Variants in TENM3 observed in about 807,000 individuals in gnomAD.
The protein encoded by TENM3 is teneurin-3.
A neutral mutation model predicts 255.1 loss-of-function variants in TENM3; 63 were observed. That is an observed-to-expected ratio of 0.25 (90% confidence interval 0.20 to 0.30). The LOEUF is 0.30. Ranked by LOEUF, TENM3 falls within the 10% of genes least tolerant of loss-of-function variation. The pLI is 1.00. For missense variants in TENM3, 2,929 were observed against 3,461.1 expected (o/e 0.85, Z 3.86); for synonymous variants, 1,306 against 1,322.3 (o/e 0.99, Z 0.27).
the TENM3 span, among the ~76,000 whole-genome samples, chr4:182,137,335 C>G: frequency 6.5e-5 from 5 of 76,362 alleles, no homozygotes; most frequent in Admixed American, 1.9e-4. Context: ...CTGCCACCTC[C>G]CCCCCCCCAA....
intron 1 of TENM3, among the ~76,000 whole-genome samples, chr4:182,283,716 G>A (rs1760546178): frequency 6.6e-6 from 1 of 152,136 alleles, no homozygotes; most frequent in African/African-American, 2.4e-5. Flanking sequence ...GGATGTGGTG[G>A]GGTGAAATAC....
At chr4:182,148,555 T>C (rs1354035025) in intron 1 of TENM3, among the ~76,000 whole-genome samples, 1 of 152,128 alleles carries the variant, frequency 6.6e-6, no homozygotes, top group Non-Finnish European at 1.5e-5. Flanking sequence ...TAATAGTAAC[T>C]GTAATCCATC....
intron 1 of TENM3, among the ~76,000 whole-genome samples, chr4:182,303,612 T>C (rs2150380097): frequency 1.3e-5 from 2 of 152,304 alleles, no homozygotes; most frequent in South Asian, 4.1e-4. Flanking sequence ...AGCTGTCTAC[T>C]TAACAGGTGT....
rs377756074 is a variant in TENM3, at chr4:182,675,395, G to A, written c.1326+2176G>A. 5.9e-5 allele frequency among the ~76,000 whole-genome samples: 9 copies of A among 152,050 alleles called. No homozygotes were observed. In the East Asian group the frequency reaches 1.4e-3, roughly 23 times the overall value. ...CATCTCTACTAAAAATACAAAATTA[G>A]CCGAACGTGGTAGCGCACACCTGTA... On this transcript the variant is annotated intron_variant, in intron 7 of 27. Transcript: ENST00000511685.
At chr4:182,739,014 C>T (rs1168479259) in intron 18 of TENM3, among the ~76,000 whole-genome samples, 1 of 150,954 alleles carries the variant, frequency 6.6e-6, no homozygotes, top group Non-Finnish European at 1.5e-5. Flanking sequence ...GATTTTAATT[C>T]TCGGGTAATT....
chr4:181,909,293 G>A, the TENM3 span, among the ~76,000 whole-genome samples: 2 of 152,102 alleles, frequency 1.3e-5, no homozygotes, highest in Non-Finnish European at 2.9e-5. Context: ...CTGTGATTTC[G>A]AATATCTTTA....
chr4:182,352,128 C>G (rs913024214), intron 3 of TENM3, among the ~76,000 whole-genome samples: 1 of 151,866 alleles, frequency 6.6e-6, no homozygotes, highest in Non-Finnish European at 1.5e-5. Context: ...TACCCCACCC[C>G]ACCCCAGGGC....
At chr4:182,760,180 C>T (rs1196698315) in intron 22 of TENM3, among the ~76,000 whole-genome samples, 1 of 152,128 alleles carries the variant, frequency 6.6e-6, no homozygotes, top group Non-Finnish European at 1.5e-5. Flanking sequence ...TTAGGGACCG[C>T]TTCATGCTGC....
intron 3 of TENM3, among the ~76,000 whole-genome samples, chr4:182,424,958 T>G (rs554307458): frequency 1.3e-5 from 2 of 152,324 alleles, no homozygotes; most frequent in East Asian, 3.9e-4. Flanking sequence ...CAGTTCTCTT[T>G]GTGATGACAT....
intron 25 of TENM3, among the ~76,000 whole-genome samples, chr4:182,790,375 C>G (rs1215333690): frequency 3.3e-5 from 5 of 152,168 alleles, no homozygotes; most frequent in Non-Finnish European, 7.3e-5. Context: ...TCACTGTGCT[C>G]CCCTCACACA....
intron 1 of TENM3, among the ~76,000 whole-genome samples, chr4:182,316,460 G>A (rs1248678629): frequency 1.3e-5 from 2 of 151,990 alleles, no homozygotes; most frequent in South Asian, 2.1e-4. Flanking sequence ...GTCCTTTAGA[G>A]GCAAAATTTT....
chr4:181,720,850 C>G, the TENM3 span, among the ~76,000 whole-genome samples: 1 of 152,066 alleles, frequency 6.6e-6, no homozygotes, highest in Non-Finnish European at 1.5e-5. Context: ...TTGTGTGAGT[C>G]ATAAACTAAT....
the TENM3 span, among the ~76,000 whole-genome samples, chr4:181,884,704 A>C: frequency 1.3e-5 from 2 of 152,174 alleles, no homozygotes; most frequent in Non-Finnish European, 2.9e-5. Context: ...TAATCTTTTC[A>C]GTCTTTAGAT....
intron 1 of TENM3, among the ~76,000 whole-genome samples, chr4:182,292,111 C>G (rs935361635): frequency 6.6e-6 from 1 of 152,022 alleles, no homozygotes; most frequent in Admixed American, 6.6e-5. Flanking sequence ...GAACAAACTG[C>G]AAGGCTAAAG....
At chr4:182,716,911 T>G (rs1296336026) in intron 13 of TENM3, among the ~76,000 whole-genome samples, 1 of 152,154 alleles carries the variant, frequency 6.6e-6, no homozygotes, top group Non-Finnish European at 1.5e-5. Flanking sequence ...ATTAAGGAAC[T>G]CAGGAGGAGG....
chr4:182,652,751 C>T (rs904640459), intron 5 of TENM3, among the ~76,000 whole-genome samples: 23 of 152,088 alleles, frequency 1.5e-4, no homozygotes, highest in African/African-American at 5.6e-4. Context: ...CTGGTAAATT[C>T]CAGTACATAC....
At chr4:181,670,244 T>C in the TENM3 span, among the ~76,000 whole-genome samples, 2 of 152,156 alleles carry the variant, frequency 1.3e-5, no homozygotes, top group Admixed American at 1.3e-4. Flanking sequence ...GCCATAGATA[T>C]GAATTTGAAA....
chr4:181,601,413 G>C, the TENM3 span, among the ~76,000 whole-genome samples: 1 of 152,120 alleles, frequency 6.6e-6, no homozygotes, highest in African/African-American at 2.4e-5. Context: ...TCAAGAAGCT[G>C]ACTGGATTGC....
chr4:181,728,331 A>C, the TENM3 span, among the ~76,000 whole-genome samples: 446 of 152,306 alleles, frequency 2.9e-3, 1 homozygote, highest in African/African-American at 9.6e-3. Context: ...AAAGCGGTTA[A>C]GAAAGTAAAA....
Sources: allele counts gnomAD v4.1 joint callset (sites outside exome capture counted in the v4.1 genomes callset), GRCh38; gene constraint gnomAD v4.1.1; transcripts MANE v1.5; gene names NCBI Gene and HGNC (gene_info 2026-07-23, HGNC 2026-07-21).